The following PTPRR variants were observed in gnomAD, a reference collection of about 807,000 sequenced individuals.
The protein encoded by PTPRR is receptor-type tyrosine-protein phosphatase R.
In PTPRR, 38 loss-of-function variants were observed where a neutral mutation model predicts 77.2. The observed-to-expected ratio is 0.49, with a 90% CI of 0.38 to 0.65. PTPRR has a LOEUF of 0.65. PTPRR is among the 30% of genes least tolerant of loss of function. The probability of loss-of-function intolerance (pLI) is 0.00; values close to 1 mark genes in which losing one functional copy is unlikely to be tolerated. For missense variants in PTPRR, 744 were observed against 799.2 expected, an observed-to-expected ratio of 0.93 and a Z score of 0.83; for synonymous variants, 299 against 283.1, an observed-to-expected ratio of 1.06 and a Z score of -0.57.
At chr12:70,714,856 G>C (rs766963352) in intron 6 of PTPRR, among the ~76,000 whole-genome samples, 3 of 151,988 alleles carry the variant, frequency 2.0e-5, no homozygotes, top group Non-Finnish European at 4.4e-5. Flanking sequence ...ATGGTGGTGT[G>C]TTCCTGTAGT....
intron 10 of PTPRR, among the ~76,000 whole-genome samples, chr12:70,667,250 C>T (rs1887046247): frequency 6.6e-6 from 1 of 152,096 alleles, no homozygotes; most frequent in African/African-American, 2.4e-5. Flanking sequence ...GCCACCGTGC[C>T]TGGCTGATTA....
At chr12:70,658,997 G>A (rs1367223766) in intron 12 of PTPRR, among the ~76,000 whole-genome samples, 2 of 145,074 alleles carry the variant, frequency 1.4e-5, no homozygotes, top group African/African-American at 5.1e-5. Flanking sequence ...CTGCCTCCTC[G>A]GTTCAAGCGA....
At chr12:70,803,208 C>CG (rs1216811497) in intron 2 of PTPRR, among the ~76,000 whole-genome samples, 3 of 152,194 alleles carry the variant, frequency 2.0e-5, no homozygotes, top group South Asian at 4.2e-4. Flanking sequence ...TGAAGCGCTC[C>CG]GGGGGGCATA....
chr12:70,722,103 G>A (rs1430001332), intron 6 of PTPRR, among the ~76,000 whole-genome samples: 2 of 152,068 alleles, frequency 1.3e-5, no homozygotes, highest in East Asian at 3.9e-4. Context: ...CGCCCCCCGT[G>A]GACGCTTCCT....
At chr12:70,697,990 A>T (rs1320358576) in intron 8 of PTPRR, among the ~76,000 whole-genome samples, 1 of 152,134 alleles carries the variant, frequency 6.6e-6, no homozygotes, top group Non-Finnish European at 1.5e-5. Context: ...CAAATTTGAT[A>T]TGAAGTGGGT....
rs10506608 is a variant in PTPRR, at chr12:70,761,600, A to G, written c.498T>C (p.Phe166=). Residue 166 remains phenylalanine, a synonymous_variant, in exon 4 of 14, where the codon TTT becomes TTC. Transcript: ENST00000283228. ...LIGKKNSIEL[F]VSPINRKTGI... ...CTGTTTTTCGGTTTATGGGAGACAC[A>G]AACAGTTCAATACTGTTCTTCTTTC... 122,704 of 1,609,330 alleles carry G rather than the reference A, an allele frequency of 0.076. 5,106 individuals are homozygous for G. The highest frequency in any genetic ancestry group is 0.084 in the Middle Eastern group (504 of 6,034).
chr12:70,723,294 G>C (rs750788050), intron 6 of PTPRR, among the ~76,000 whole-genome samples: 1 of 151,848 alleles, frequency 6.6e-6, no homozygotes, highest in East Asian at 1.9e-4. Flanking sequence ...CAAAATTTCA[G>C]CTTGCAACCC....
At chr12:70,913,224 A>G (rs1159250537) in intron 1 of PTPRR, among the ~76,000 whole-genome samples, 1 of 152,164 alleles carries the variant, frequency 6.6e-6, no homozygotes, top group East Asian at 1.9e-4. Flanking sequence ...TGTGGGATCC[A>G]AAAACTTTAT....
At chr12:70,642,887 A>T (rs1886058576) in intron 13 of PTPRR, among the ~76,000 whole-genome samples, 1 of 152,214 alleles carries the variant, frequency 6.6e-6, no homozygotes, top group Admixed American at 6.5e-5. Context: ...GCAGTGGCTC[A>T]TGCCTATAAC....
intron 1 of PTPRR, among the ~76,000 whole-genome samples, chr12:70,907,385 A>T (rs1213717701): frequency 6.6e-6 from 1 of 152,092 alleles, no homozygotes; most frequent in Non-Finnish European, 1.5e-5. Flanking sequence ...TCCTCCTTCC[A>T]CTGTCAGCCC....
intron 2 of PTPRR, among the ~76,000 whole-genome samples, chr12:70,874,146 T>C (rs927395007): frequency 6.6e-6 from 1 of 152,216 alleles, no homozygotes; most frequent in African/African-American, 2.4e-5. Context: ...TATTAAAATA[T>C]CAAGCTAAAA....
chr12:70,639,212 C>T lies in PTPRR; in HGVS notation c.1946G>A (p.Ser649Asn). The T allele has an allele frequency of 6.2e-7, 1 of 1,613,436 alleles. No homozygotes were observed. The highest frequency in any genetic ancestry group is 8.5e-7 in the Non-Finnish European group (1 of 1,179,870). Residue 649 changes from serine to asparagine, a missense_variant, in exon 14 of 14, where the codon AGC becomes AAC. This residue lies in a region of PTPRR where 170 missense variants were observed against 209.8 expected (regional missense o/e 0.81). Transcript: ENST00000283228. Reference protein sequence around the residue: ...FVHHALCLYESRLSAETVQ With the variant: ...FVHHALCLYENRLSAETVQ ...CTGGACAGTCTCTGCTGAAAGTCTGCTCTCATACAGGCACAGAGCATGGTG... is the reference window on the plus strand; with the variant it reads ...CTGGACAGTCTCTGCTGAAAGTCTGTTCTCATACAGGCACAGAGCATGGTG...
intron 1 of PTPRR, among the ~76,000 whole-genome samples, chr12:70,903,981 T>G (rs1401554085): frequency 6.6e-6 from 1 of 151,870 alleles, no homozygotes; most frequent in Non-Finnish European, 1.5e-5. Context: ...TGAAAGTATG[T>G]CCATTTCTAT....
intron 10 of PTPRR, chr12:70,672,272 T>C: frequency 6.3e-7 from 1 of 1,594,068 alleles, no homozygotes; most frequent in Non-Finnish European, 8.6e-7. Context: ...TGTGGACCAC[T>C]GCAAAGAACA....
At chr12:70,744,833 G>A (rs1420103070) in intron 6 of PTPRR, among the ~76,000 whole-genome samples, 1 of 152,154 alleles carries the variant, frequency 6.6e-6, no homozygotes, top group African/African-American at 2.4e-5. Context: ...TTCAAAGTTG[G>A]ATACACTACA....
chr12:70,872,698 A>AAAAAAAAAAAAAC lies in PTPRR; in HGVS notation c.357+19980_357+19981insGTTTTTTTTTTTT, dbSNP rs1892981201. Reference sequence around the variant, plus strand: ...CGACAGAGTGAGACTCTGTCTCAAAAAAAAAAAAAAAAAAAAAAAAAACAA... The same window carrying AAAAAAAAAAAAAC: ...CGACAGAGTGAGACTCTGTCTCAAAAAAAAAAAAAAAACAAAAAAAAAAAAAAAAAAAAAACAA... On this transcript the variant is annotated intron_variant, in intron 2 of 13. Coordinates refer to ENST00000283228, the MANE Select transcript of PTPRR (RefSeq NM_002849.4). Among the ~76,000 whole-genome samples the AAAAAAAAAAAAAC allele has an allele frequency of 2.1e-5, 2 of 93,408 alleles. 1 individual carries two copies. Among genetic ancestry groups the AAAAAAAAAAAAAC allele is most frequent in the African/African-American group, 5.7e-5 (2 of 35,360 alleles). The allele number at this position is 93,408 out of a possible 152,430, so 61.3% of individuals were successfully genotyped here. A position where few individuals can be genotyped will look rare whatever the true frequency, so the allele number is the denominator to read the frequency against.
Position 70,896,929 on chromosome 12 carries a change from C to T in PTPRR, c.59-3952G>A, listed in dbSNP as rs551031071. Among the ~76,000 whole-genome samples the T allele has an allele frequency of 5.2e-3, 795 of 151,570 alleles. 4 individuals are homozygous for T. Among genetic ancestry groups the T allele is most frequent in the African/African-American group, 0.018 (730 of 41,400 alleles). ...CAAAGATCAGATAGTTGTAGATATG[C>T]GGCATTATTTCTGAGGGCTGTGTTC... On this transcript the variant is annotated intron_variant, in intron 1 of 13. Transcript: ENST00000283228.
chr12:70,696,542 T>A (rs115669475), intron 8 of PTPRR, among the ~76,000 whole-genome samples: 2,629 of 152,288 alleles, frequency 0.017, 84 homozygotes, highest in African/African-American at 0.06. Flanking sequence ...TCCCTGGGGT[T>A]GGGCACAGGA....
chr12:70,780,024 G>T (rs938918158), intron 2 of PTPRR, among the ~76,000 whole-genome samples: 1 of 150,464 alleles, frequency 6.6e-6, no homozygotes. Flanking sequence ...ACAGAGTCTC[G>T]CTCTGTTGCC....
Sources: allele counts gnomAD v4.1 joint callset (sites outside exome capture counted in the v4.1 genomes callset), GRCh38; gene constraint gnomAD v4.1.1; regional missense constraint gnomAD v4.1.1; transcripts MANE v1.5; gene names NCBI Gene and HGNC (gene_info 2026-07-23, HGNC 2026-07-21).